Variants in GRID2 observed in about 807,000 individuals in gnomAD.
The protein encoded by GRID2 is glutamate receptor ionotropic, delta-2.
Under a neutral mutation model 114.8 loss-of-function variants are expected in GRID2, and 33 were observed. The ratio of observed to expected loss-of-function variants is 0.29; its 90% CI spans 0.22 to 0.38. The LOEUF (loss-of-function observed/expected upper bound fraction) is 0.38, where lower values mean the gene tolerates loss of function less well. GRID2 is among the 10% of genes least tolerant of loss of function. GRID2 has a pLI of 1.00. For missense variants in GRID2, 1,184 were observed against 1,257.7 expected, an observed-to-expected ratio of 0.94 and a Z score of 0.89; for synonymous variants, 505 against 449.9, an observed-to-expected ratio of 1.12 and a Z score of -1.55.
At chr4:93,530,701 A>G (rs1204870306) in intron 13 of GRID2, among the ~76,000 whole-genome samples, 1 of 152,130 alleles carries the variant, frequency 6.6e-6, no homozygotes. Flanking sequence ...TCTAGATCAT[A>G]TACTATTTTG....
chr4:92,832,856 A>C (rs908706604), intron 2 of GRID2, among the ~76,000 whole-genome samples: 1 of 152,212 alleles, frequency 6.6e-6, no homozygotes, highest in Non-Finnish European at 1.5e-5. Context: ...TTCTCTATGC[A>C]TCCAAGTGGA....
rs1233513801 is a variant in GRID2, at chr4:93,092,794, C to A, written c.529+7515C>A. The stretch of plus-strand genomic sequence containing the variant: ...CTAAGTGGCATACCAAACCACTAAG[C>A]TGTTGACAACAGATCAGCAGTCATA... On this transcript the variant is annotated intron_variant, in intron 3 of 15. Transcript: ENST00000282020. 2.6e-5 allele frequency among the ~76,000 whole-genome samples: 4 copies of A among 151,894 alleles called. No individual in the cohort carries two copies. In the East Asian group the frequency reaches 7.8e-4, roughly 29 times the overall value.
At chr4:93,805,511 G>T (rs1735011850) in intron 1 of GRID2, among the ~76,000 whole-genome samples, 1 of 152,104 alleles carries the variant, frequency 6.6e-6, no homozygotes, top group Non-Finnish European at 1.5e-5. Flanking sequence ...AATTTATCTG[G>T]TAAGTGCTAT....
intron 10 of GRID2, among the ~76,000 whole-genome samples, chr4:93,429,349 G>A (rs539683048): frequency 3.3e-5 from 5 of 152,162 alleles, no homozygotes; most frequent in Non-Finnish European, 5.9e-5. Flanking sequence ...TGCAAATTGC[G>A]CCCTTTACAA....
At chr4:92,640,202 G>C (rs1731277753) in intron 2 of GRID2, among the ~76,000 whole-genome samples, 1 of 151,686 alleles carries the variant, frequency 6.6e-6, no homozygotes, top group Non-Finnish European at 1.5e-5. Context: ...AAAACTAAAG[G>C]AGTGAGTTGA....
intron 1 of GRID2, among the ~76,000 whole-genome samples, chr4:92,557,644 G>GTT (rs1183209365): frequency 3.8e-5 from 3 of 79,782 alleles, no homozygotes; most frequent in Non-Finnish European, 8.0e-5. Context: ...TATATATATG[G>GTT]TTATATATAT....
chr4:92,453,535 A>C (rs1379238277), intron 1 of GRID2, among the ~76,000 whole-genome samples: 1 of 152,200 alleles, frequency 6.6e-6, no homozygotes, highest in Non-Finnish European at 1.5e-5. Flanking sequence ...TTTAATGTAC[A>C]TGTTGAAACA....
At chr4:93,018,659 G>T (rs1380716563) in intron 2 of GRID2, among the ~76,000 whole-genome samples, 1 of 151,964 alleles carries the variant, frequency 6.6e-6, no homozygotes, top group Non-Finnish European at 1.5e-5. Context: ...TCAAAATTGA[G>T]TATATCAATA....
intron 2 of GRID2, among the ~76,000 whole-genome samples, chr4:92,957,714 G>A (rs1005246223): frequency 6.6e-6 from 1 of 151,792 alleles, no homozygotes; most frequent in African/African-American, 2.4e-5. Flanking sequence ...TTTGATTGGG[G>A]TTGTATATTA....
chr4:93,739,639 C>T (rs1368175378), intron 14 of GRID2, among the ~76,000 whole-genome samples: 1 of 152,122 alleles, frequency 6.6e-6, no homozygotes, highest in East Asian at 1.9e-4. Context: ...TTGCCACTAT[C>T]CAAAAAATGA....
At chr4:93,092,750 G>T (rs1730892059) in intron 3 of GRID2, among the ~76,000 whole-genome samples, 1 of 151,898 alleles carries the variant, frequency 6.6e-6, no homozygotes, top group Non-Finnish European at 1.5e-5. Context: ...TATCTTTAAT[G>T]TTACTACTCT....
rs542951591 is a variant in GRID2 at position 93,643,938 on chromosome 4, C to G, written c.2360+17503C>G. 6.3e-3 allele frequency among the ~76,000 whole-genome samples: 658 copies of G among 103,890 alleles called. 243 individuals are homozygous for G. The highest frequency in any genetic ancestry group is 0.034 in the African/African-American group (632 of 18,408). 68.2% of individuals were successfully genotyped at this position (103,890 alleles called of 152,430 possible). A position where few individuals can be genotyped will look rare whatever the true frequency, so the allele number is the denominator to read the frequency against. The stretch of plus-strand genomic sequence containing the variant: ...TAGTTGCCGCCTTGCAGTTTGATCT[C>G]AGACTGCTGTGCTAGCAATCCGCGA... On this transcript the variant is annotated intron_variant, in intron 14 of 15. Transcript: ENST00000282020.
At chr4:93,599,475 C>A (rs886470107) in intron 13 of GRID2, among the ~76,000 whole-genome samples, 1 of 152,174 alleles carries the variant, frequency 6.6e-6, no homozygotes, top group African/African-American at 2.4e-5. Context: ...ATTTTATCAT[C>A]ATTGAAACTT....
chr4:93,410,311 T>C (rs958538492), intron 9 of GRID2, among the ~76,000 whole-genome samples: 1 of 152,210 alleles, frequency 6.6e-6, no homozygotes, highest in Non-Finnish European at 1.5e-5. Context: ...AATTCTTTTC[T>C]CGTGTAAGTG....
intron 8 of GRID2, among the ~76,000 whole-genome samples, chr4:93,326,260 G>C (rs148657074): frequency 6.6e-6 from 1 of 152,248 alleles, no homozygotes; most frequent in Non-Finnish European, 1.5e-5. Flanking sequence ...TCATGGTTAC[G>C]ATACAGAGGT....
intron 12 of GRID2, among the ~76,000 whole-genome samples, chr4:93,512,387 A>T (rs78130790): frequency 6.6e-6 from 1 of 152,166 alleles, no homozygotes; most frequent in African/African-American, 2.4e-5. Flanking sequence ...TATGAAAAAT[A>T]CAAAGTGACC....
downstream of GRID2, among the ~76,000 whole-genome samples, chr4:93,776,947 C>A (rs573165843): frequency 6.6e-6 from 1 of 152,318 alleles, no homozygotes; most frequent in Admixed American, 6.5e-5. Context: ...TCAAGCTCTG[C>A]AATGTTTCAA....
At chr4:93,623,152 TC>T (rs1282222751) in intron 13 of GRID2, among the ~76,000 whole-genome samples, 8 of 152,150 alleles carry the variant, frequency 5.3e-5, no homozygotes, top group Non-Finnish European at 1.2e-4. Flanking sequence ...GGCAGATGAT[TC>T]TTTTTTTTAT....
In GRID2 at chr4:93,757,432, A is replaced by G. The variant is rs1215230767; in HGVS notation, c.2361-11778A>G. Among the ~76,000 whole-genome samples, 4 of 152,152 alleles carry G rather than the reference A, an allele frequency of 2.6e-5. 1 individual carries two copies. In the South Asian group the frequency reaches 8.3e-4, roughly 32 times the overall value. ...CTAGAGTACTCTTTTCCCAATCTCCATGCCATCACCTGTTCTACTAATTCC... is the reference window on the plus strand; with the variant it reads ...CTAGAGTACTCTTTTCCCAATCTCCGTGCCATCACCTGTTCTACTAATTCC... On this transcript the variant is annotated intron_variant, in intron 14 of 15. Transcript: ENST00000282020.
Sources: allele counts gnomAD v4.1 joint callset (sites outside exome capture counted in the v4.1 genomes callset), GRCh38; gene constraint gnomAD v4.1.1; transcripts MANE v1.5; gene names NCBI Gene and HGNC (gene_info 2026-07-23, HGNC 2026-07-21).